Variants in MAP6 observed in about 807,000 individuals in gnomAD.
MAP6 encodes microtubule associated protein 6, also known as microtubule-associated protein 6.
Under a neutral mutation model 42.4 loss-of-function variants are expected in MAP6, and 26 were observed. The ratio of observed to expected loss-of-function variants is 0.61; its 90% CI spans 0.45 to 0.85. The LOEUF (loss-of-function observed/expected upper bound fraction) is 0.85, where lower values mean the gene tolerates loss of function less well. Among genes scored for constraint, MAP6 ranks in the 40% least tolerant of loss-of-function variants. The pLI is 0.00. For missense variants in MAP6, 966 were observed against 1,099.0 expected (o/e 0.88, Z 1.71); for synonymous variants, 418 against 443.8 (o/e 0.94, Z 0.73).
At chr11:75,601,028 C>A (rs955096237) in intron 3 of MAP6, among the ~76,000 whole-genome samples, 1 of 152,200 alleles carries the variant, frequency 6.6e-6, no homozygotes, top group Non-Finnish European at 1.5e-5. Flanking sequence ...ATAGATTTGC[C>A]TCCTGGGGCT....
At chr11:75,656,330 C>A (rs1463716353) in intron 1 of MAP6, among the ~76,000 whole-genome samples, 4 of 152,200 alleles carry the variant, frequency 2.6e-5, no homozygotes, top group African/African-American at 9.7e-5. Flanking sequence ...TACACCAGGC[C>A]TAATCCTGCA....
intron 1 of MAP6, among the ~76,000 whole-genome samples, chr11:75,620,902 G>A (rs139634408): frequency 0.012 from 1,862 of 152,222 alleles, 12 homozygotes; most frequent in South Asian, 0.044. Flanking sequence ...AGGCTGAGGC[G>A]GGTGGATCAT....
chr11:75,593,265 A>C (rs1008989769), intron 3 of MAP6, among the ~76,000 whole-genome samples: 1 of 152,234 alleles, frequency 6.6e-6, no homozygotes, highest in Non-Finnish European at 1.5e-5. Flanking sequence ...TTAATACTTG[A>C]GTGAATGAAT....
chr11:75,648,405 G>A (rs1178455460), intron 1 of MAP6, among the ~76,000 whole-genome samples: 2 of 152,182 alleles, frequency 1.3e-5, no homozygotes, highest in African/African-American at 4.8e-5. Flanking sequence ...GGCTGAGGCG[G>A]GAGGATTGCT....
chr11:75,640,876 A>G (rs1185309088), intron 1 of MAP6, among the ~76,000 whole-genome samples: 1 of 152,114 alleles, frequency 6.6e-6, no homozygotes, highest in East Asian at 1.9e-4. Flanking sequence ...ACACTTTTAC[A>G]CTGTTGGTGG....
At chr11:75,589,286 G>GT (rs1337882132) in intron 3 of MAP6, among the ~76,000 whole-genome samples, 1 of 152,188 alleles carries the variant, frequency 6.6e-6, no homozygotes, top group Non-Finnish European at 1.5e-5. Context: ...TGTGGAGAGC[G>GT]TGTGACAACA....
chr11:75,658,140 T>C (rs1408646954), intron 1 of MAP6, among the ~76,000 whole-genome samples: 3 of 152,350 alleles, frequency 2.0e-5, no homozygotes, highest in African/African-American at 7.2e-5. Context: ...AACATTCTTA[T>C]ATAAGTCTTC....
rs764838879 is a variant in MAP6 at position 75,605,981 on chromosome 11, A to G, written c.1143T>C (p.Ser381=). ...PPKVEKPSVQ[S]SKPKKTSASH... is the part of the protein sequence containing the mutation. The stretch of plus-strand genomic sequence containing the variant: ...TCGCTGAGGTCTTTTTTGGTTTGGA[A>G]CTCTGAACACTAGGTTTTTCCACCT... Residue 381 remains serine (S), a synonymous_variant, in exon 3 of 4, where the codon AGT becomes AGC. Coordinates refer to ENST00000304771, the MANE Select transcript of MAP6 (RefSeq NM_033063.2). 6.2e-7 allele frequency: 1 copy of G among 1,613,494 alleles called. No homozygotes were observed. The highest frequency in any genetic ancestry group is 1.1e-5 in the South Asian group (1 of 91,052).
intron 1 of MAP6, among the ~76,000 whole-genome samples, chr11:75,640,620 C>T (rs1045539644): frequency 7.9e-5 from 12 of 152,130 alleles, no homozygotes; most frequent in Admixed American, 6.5e-5. Flanking sequence ...CTACAATGAA[C>T]TCAAACAAAT....
At chr11:75,627,350 C>T (rs1943214549) in intron 1 of MAP6, among the ~76,000 whole-genome samples, 1 of 152,194 alleles carries the variant, frequency 6.6e-6, no homozygotes. Flanking sequence ...GGGCAGTGTG[C>T]AGAGATAAAC....
chr11:75,645,636 A>G (rs1943542229), intron 1 of MAP6, among the ~76,000 whole-genome samples: 1 of 152,226 alleles, frequency 6.6e-6, no homozygotes, highest in Non-Finnish European at 1.5e-5. Context: ...GAAAACATCT[A>G]ACTTAGACTA....
intron 1 of MAP6, among the ~76,000 whole-genome samples, chr11:75,621,306 T>C (rs1195091191): frequency 6.6e-6 from 1 of 151,582 alleles, no homozygotes; most frequent in Admixed American, 6.6e-5. Flanking sequence ...TGAAACCCTA[T>C]CTTTACTTAA....
intron 1 of MAP6, among the ~76,000 whole-genome samples, chr11:75,659,169 C>T (rs540104008): frequency 2.6e-5 from 4 of 152,298 alleles, no homozygotes; most frequent in Non-Finnish European, 4.4e-5. Flanking sequence ...TAGACAAAGT[C>T]TGTGATTTTA....
In MAP6 at chr11:75,591,380, T is replaced by C. The variant is rs564252716; in HGVS notation, c.1317-3196A>G. ...CCAAGCAGCCTGGACAGTTTTTCTA[T>C]GCACGAAACTGCACGCAAGGGCACC... On this transcript the variant is annotated intron_variant, in intron 3 of 3. Coordinates refer to ENST00000304771, the MANE Select transcript of MAP6 (RefSeq NM_033063.2). 1.0e-3 allele frequency among the ~76,000 whole-genome samples: 159 copies of C among 152,372 alleles called. 3 individuals carry two copies. The South Asian group carries it at 0.032, about 31-fold the overall frequency.
intron 1 of MAP6, among the ~76,000 whole-genome samples, chr11:75,636,714 C>T (rs1318271361): frequency 1.3e-5 from 2 of 152,234 alleles, no homozygotes; most frequent in Non-Finnish European, 2.9e-5. Context: ...CTGTGGACAG[C>T]CCCTGTGCCC....
chr11:75,636,712 A>G (rs572659526), intron 1 of MAP6, among the ~76,000 whole-genome samples: 1 of 152,330 alleles, frequency 6.6e-6, no homozygotes, highest in African/African-American at 2.4e-5. Flanking sequence ...CACTGTGGAC[A>G]GCCCCTGTGC....
intron 1 of MAP6, among the ~76,000 whole-genome samples, chr11:75,636,965 C>T (rs1158283857): frequency 2.6e-5 from 4 of 152,186 alleles, no homozygotes; most frequent in South Asian, 2.1e-4. Context: ...GCTGGCCTCA[C>T]GGTGTATGAG....
chr11:75,608,212 T>C lies in MAP6; in HGVS notation c.1016A>G (p.Gln339Arg), dbSNP rs1373008420. The C allele has an allele frequency of 3.7e-6, 6 of 1,614,226 alleles. No homozygotes were observed. The highest frequency in any genetic ancestry group is 2.2e-5 in the East Asian group (1 of 44,890). ...TGGCTTGCTGGCCTCTCCTTTGAAC[T>C]GAGCACTGTAGCTGGTCTCATGAAC... Reference protein sequence around the residue: ...KMVHETSYSAQFKGEASKPTT... With the variant: ...KMVHETSYSARFKGEASKPTT... Residue 339 changes from glutamine to arginine, a missense_variant, in exon 2 of 4, where the codon CAG (glutamine) becomes CGG (arginine). By Grantham distance (43) the Gln-to-Arg change is conservative. Coordinates refer to ENST00000304771, the MANE Select transcript of MAP6 (RefSeq NM_033063.2).
At chr11:75,602,360 G>A (rs981308926) in intron 3 of MAP6, among the ~76,000 whole-genome samples, 3 of 152,036 alleles carry the variant, frequency 2.0e-5, no homozygotes, top group Non-Finnish European at 2.9e-5. Flanking sequence ...GGCTGTTTCA[G>A]CACCCCCACA....
Sources: gnomAD v4.1 joint callset for allele counts (sites outside exome capture counted in the v4.1 genomes callset) on GRCh38, gnomAD v4.1.1 for gene constraint, MANE v1.5 for transcripts, NCBI Gene and HGNC (gene_info 2026-07-23, HGNC 2026-07-21) for gene names.